The following TRPC4 variants were observed in gnomAD, a reference collection of about 807,000 sequenced individuals.
TRPC4 encodes transient receptor potential cation channel subfamily C member 4, also known as short transient receptor potential channel 4.
TRPC4 carries 49 observed loss-of-function variants against 99.4 expected under a neutral mutation model. The ratio of observed to expected loss-of-function variants is 0.49; its 90% CI spans 0.39 to 0.63. The LOEUF (loss-of-function observed/expected upper bound fraction) is 0.63. TRPC4 is among the 20% of genes least tolerant of loss of function. TRPC4 has a pLI of 0.00. For missense variants in TRPC4, 898 were observed against 1,152.9 expected (o/e 0.78, Z 3.20); for synonymous variants, 454 against 425.9 (o/e 1.07, Z -0.81).
intron 4 of TRPC4, among the ~76,000 whole-genome samples, chr13:37,687,880 A>C (rs1256976076): frequency 6.6e-6 from 1 of 152,152 alleles, no homozygotes; most frequent in African/African-American, 2.4e-5. Flanking sequence ...TTTTTACTCT[A>C]GTTTAAGTGG....
Position 37,663,480 on chromosome 13 carries a change from C to A in TRPC4, c.1624G>T (p.Glu542Ter). 1.2e-6 allele frequency: 2 copies of A among 1,614,150 alleles called. No individual in the cohort carries two copies. The highest frequency in any genetic ancestry group is 1.7e-6 in the Non-Finnish European group (2 of 1,180,010). Residue 542 changes from glutamate (E) to a stop codon, truncating the protein, a stop_gained, in exon 6 of 11, where the codon GAA becomes TAA. Coordinates refer to ENST00000379705, the MANE Select transcript of TRPC4 (RefSeq NM_016179.4). LOFTEE classifies it high-confidence loss of function. Reference protein sequence around the residue: ...NGLNQLYFYYEETKGLTCKGI... With the variant: ...NGLNQLYFYY ...TTGCAGGTTAACCCTTTCGTTTCTT[C>A]ATAATAGAAGTACAATTGATTTAGG... is the stretch of plus-strand genomic sequence containing the variant.
At chr13:37,722,325 T>A (rs994632458) in intron 3 of TRPC4, among the ~76,000 whole-genome samples, 1 of 152,200 alleles carries the variant, frequency 6.6e-6, no homozygotes, top group African/African-American at 2.4e-5. Context: ...GAAAAGTTTT[T>A]AAAATAACCT....
rs1593732573 is a variant in TRPC4 at position 37,783,280 on chromosome 13, G to A, written c.54C>T (p.Ile18=). 6.2e-7 allele frequency: 1 copy of A among 1,612,430 alleles called. No homozygotes were observed. The highest frequency in any genetic ancestry group is 1.1e-5 in the South Asian group (1 of 90,902). Residue 18 remains isoleucine (I), a synonymous_variant, in exon 2 of 11, where the codon ATC becomes ATT. Transcript: ENST00000379705. ...RNVNAPYRDR[I]PLRIVRAESE... Reference sequence around the variant, plus strand: ...ATTCTGCTCTTACTATCCTTAGAGGGATGCGGTCTCTATAGGGAGCATTAA... The same window carrying A: ...ATTCTGCTCTTACTATCCTTAGAGGAATGCGGTCTCTATAGGGAGCATTAA...
At chr13:37,726,633 A>G (rs1924301) in intron 3 of TRPC4, among the ~76,000 whole-genome samples, 53,087 of 151,992 alleles carry the variant, frequency 0.35, 11,119 homozygotes, top group Non-Finnish European at 0.48. Flanking sequence ...ATGTAAATGA[A>G]TGAAACTCTC....
chr13:37,845,037 A>C (rs1958853749), intron 1 of TRPC4, among the ~76,000 whole-genome samples: 1 of 152,206 alleles, frequency 6.6e-6, no homozygotes, highest in South Asian at 2.1e-4. Context: ...CAGAGTCCAG[A>C]TAGTAGCCTC....
chr13:37,782,874 T>TA (rs754844763), intron 2 of TRPC4, 82 bp downstream of exon 2: 19,121 of 947,782 alleles, frequency 0.02, 2 homozygotes, highest in African/African-American at 0.033. Flanking sequence ...TTTGAAAATC[T>TA]AAAAAAAAAA....
At chr13:37,845,515 TA>T (rs1277365518) in intron 1 of TRPC4, among the ~76,000 whole-genome samples, 1 of 151,840 alleles carries the variant, frequency 6.6e-6, no homozygotes, top group South Asian at 2.1e-4. Context: ...AAAAGTGAAC[TA>T]AAAAATTAAA....
intron 5 of TRPC4, among the ~76,000 whole-genome samples, chr13:37,673,079 G>A (rs7321114): frequency 0.6 from 85,734 of 141,828 alleles, 26,945 homozygotes; most frequent in East Asian, 0.79. Context: ...ATATCTCCTA[G>A]TGCTATCCCT....
chr13:37,803,687 A>G (rs955423855), intron 1 of TRPC4, among the ~76,000 whole-genome samples: 5 of 152,092 alleles, frequency 3.3e-5, no homozygotes, highest in African/African-American at 9.7e-5. Context: ...AAACAGAAGA[A>G]ATTTAAATAG....
intron 3 of TRPC4, among the ~76,000 whole-genome samples, chr13:37,745,460 A>ATGCG (rs1555265753): frequency 0.01 from 50 of 4,920 alleles, no homozygotes; most frequent in African/African-American, 0.021. Context: ...ATATATATAT[A>ATGCG]TATATATATA....
intron 2 of TRPC4, among the ~76,000 whole-genome samples, chr13:37,767,110 A>G (rs1385064664): frequency 2.0e-5 from 3 of 151,314 alleles, no homozygotes; most frequent in Admixed American, 6.6e-5. Context: ...TCTGAGAAAC[A>G]TATCTATATT....
intron 3 of TRPC4, among the ~76,000 whole-genome samples, chr13:37,700,083 T>G (rs1318568811): frequency 6.6e-6 from 1 of 152,162 alleles, no homozygotes; most frequent in Non-Finnish European, 1.5e-5. Context: ...AGGGTAGCAG[T>G]TGGTACAAAG....
intron 3 of TRPC4, among the ~76,000 whole-genome samples, chr13:37,723,411 A>T (rs1439300852): frequency 2.0e-5 from 3 of 152,218 alleles, no homozygotes; most frequent in Non-Finnish European, 2.9e-5. Flanking sequence ...CTAATGAAAA[A>T]AATATATATG....
At chr13:37,750,881 G>A (rs1955915668) in intron 2 of TRPC4, among the ~76,000 whole-genome samples, 1 of 151,934 alleles carries the variant, frequency 6.6e-6, no homozygotes, top group South Asian at 2.1e-4. Flanking sequence ...TCCCACTTAT[G>A]AGAAATATTT....
intron 2 of TRPC4, among the ~76,000 whole-genome samples, chr13:37,750,017 C>T (rs1955888325): frequency 1.3e-5 from 2 of 152,118 alleles, no homozygotes; most frequent in Admixed American, 1.3e-4. Context: ...CTCAGATATA[C>T]TCACAGATTT....
chr13:37,720,247 A>C (rs1156323478), intron 3 of TRPC4, among the ~76,000 whole-genome samples: 1 of 152,200 alleles, frequency 6.6e-6, no homozygotes, highest in Non-Finnish European at 1.5e-5. Flanking sequence ...CTATGCAAAA[A>C]TCTGTTACAG....
In TRPC4 at chr13:37,651,473, C is replaced by A. The variant is rs754148489; in HGVS notation, c.1885-14G>T. On this transcript the variant is annotated splice_polypyrimidine_tract_variant and intron_variant, in intron 7 of 10. Transcript: ENST00000379705. ...ATCTGCATGGTCCTGAACAGGAGAA[C>A]ATGACAACTGATGATAGGTTCCTTA... 5.6e-5 allele frequency: 90 copies of A among 1,610,384 alleles called. 1 individual carries two copies. In the South Asian group the frequency reaches 8.8e-4, roughly 16 times the overall value.
chr13:37,852,732 A>G (rs57102259), intron 1 of TRPC4, among the ~76,000 whole-genome samples: 5,484 of 152,132 alleles, frequency 0.036, 159 homozygotes, highest in African/African-American at 0.08. Flanking sequence ...GGAGCCCGCT[A>G]CCTTGAAGGG....
intron 1 of TRPC4, among the ~76,000 whole-genome samples, chr13:37,853,056 G>T (rs772704196): frequency 1.3e-5 from 2 of 151,910 alleles, no homozygotes; most frequent in Non-Finnish European, 2.9e-5. Context: ...CTGGGGAAAA[G>T]AATAAAAACC....
Sources: allele counts gnomAD v4.1 joint callset (sites outside exome capture counted in the v4.1 genomes callset), GRCh38; gene constraint gnomAD v4.1.1; transcripts MANE v1.5; gene names NCBI Gene and HGNC (gene_info 2026-07-23, HGNC 2026-07-21).